The following PLA2G4D variants were observed in gnomAD, a reference collection of about 807,000 sequenced individuals.
PLA2G4D encodes the protein phospholipase A2 group IVD.
PLA2G4D carries 80 observed loss-of-function variants against 94.4 expected under a neutral mutation model. The ratio of observed to expected loss-of-function variants is 0.85; its 90% CI spans 0.71 to 1.02. The LOEUF is 1.02. Ranked by LOEUF, PLA2G4D falls within the 50% of genes least tolerant of loss-of-function variation. The probability of loss-of-function intolerance (pLI) is 0.00; values close to 1 mark genes in which losing one functional copy is unlikely to be tolerated. For synonymous variants in PLA2G4D, 438 were observed against 440.9 expected, an observed-to-expected ratio of 0.99 and a Z score of 0.08; for missense variants, 1,050 against 1,034.7, an observed-to-expected ratio of 1.01 and a Z score of -0.20.
intron 14 of PLA2G4D, 141 bp downstream of exon 14, chr15:42,072,134 C>G: frequency 1.0e-6 from 1 of 964,652 alleles, no homozygotes; most frequent in Non-Finnish European, 1.6e-6. Context: ...CAGAGAGATG[C>G]CCTGAGCCCC....
intron 14 of PLA2G4D, 91 bp downstream of exon 14, chr15:42,072,184 C>A (rs924027117): frequency 2.5e-6 from 3 of 1,223,358 alleles, no homozygotes; most frequent in South Asian, 1.3e-5. Context: ...GCAATCTGTG[C>A]GGAGCTTCCA....
At position 42,068,513 on chromosome 15, in the gene PLA2G4D, A is replaced by T; in HGVS notation, c.*202T>A. On this transcript the variant is annotated 3_prime_UTR_variant, in exon 20 of 20. Coordinates refer to ENST00000290472, the MANE Select transcript of PLA2G4D (RefSeq NM_178034.4). The stretch of plus-strand genomic sequence containing the variant: ...TTCTACACACTGGCCTGGCGAAGTT[A>T]TTTTCAACTCATCTCAAGCCAGCCA... 1 of 596,948 alleles carries T rather than the reference A, an allele frequency of 1.7e-6. No individual in the cohort carries two copies. Among genetic ancestry groups the T allele is most frequent in the Non-Finnish European group, 3.0e-6 (1 of 337,166 alleles). The allele number at this position is 596,948 out of a possible 1,614,324, so 37.0% of individuals were successfully genotyped here.
Position 42,085,139 on chromosome 15 carries a change from C to T in PLA2G4D, c.429-1G>A, listed in dbSNP as rs1400471454. 5 of 1,614,080 alleles carry T rather than the reference C, an allele frequency of 3.1e-6. No homozygotes were observed. The highest frequency in any genetic ancestry group is 4.2e-6 in the Non-Finnish European group (5 of 1,180,046). On this transcript the variant is annotated splice_acceptor_variant, in intron 5 of 19. Coordinates refer to ENST00000290472, the MANE Select transcript of PLA2G4D (RefSeq NM_178034.4). LOFTEE classifies it high-confidence loss of function. ...GATGAGGTTTTCTGGGCGATCTGAC[C>T]TGGAAAAATCAAACCATGCAAAGGC...
chr15:42,075,563 CA>C (rs1889904180), intron 13 of PLA2G4D, among the ~76,000 whole-genome samples: 1 of 152,102 alleles, frequency 6.6e-6, no homozygotes, highest in African/African-American at 2.4e-5. Flanking sequence ...ACATTTATTG[CA>C]AAACATGACT....
intron 13 of PLA2G4D, among the ~76,000 whole-genome samples, chr15:42,075,938 GGAA>G (rs1209997118): frequency 6.7e-6 from 1 of 149,278 alleles, no homozygotes; most frequent in Non-Finnish European, 1.5e-5. Flanking sequence ...GGAGGGGAGA[GGAA>G]GAAGGAAGGA....
rs1890088724 is a variant in PLA2G4D, at chr15:42,083,746, C to A, written c.505G>T (p.Asp169Tyr). The A allele has an allele frequency of 6.2e-7, 1 of 1,614,048 alleles. No individual in the cohort carries two copies. The highest frequency in any genetic ancestry group is 1.1e-5 in the South Asian group (1 of 91,084). Residue 169 changes from aspartate (D) to tyrosine (Y), a missense_variant, in exon 7 of 20, where the codon GAC (aspartate) becomes TAC (tyrosine). Physicochemically the swap from Asp to Tyr is radical, Grantham distance 160 (BLOSUM62 -3). Coordinates refer to ENST00000290472, the MANE Select transcript of PLA2G4D (RefSeq NM_178034.4). ...ACCACAGCGGTGCTCCCTGTGCTGT[C>A]CAGATGCACATCCAGGCATGACAGC... ...RELSCLDVHL[D>Y]STGSTAVVAD...
In PLA2G4D at chr15:42,081,520, T is replaced by A; in HGVS notation, c.916A>T (p.Lys306Ter). ...TCTCTGTCCAGCTGCAGGGCCTGCT[T>A]CAGGGCCTTGGCCACCACCTGCTTC... The part of the protein sequence containing the change: ...RRKQVVAKAL[K>*]QALQLDRDLQ... Residue 306 changes from lysine (K) to a stop codon, truncating the protein, a stop_gained, in exon 11 of 20, where the codon AAG (lysine) becomes TAG (stop). Coordinates refer to ENST00000290472, the MANE Select transcript of PLA2G4D (RefSeq NM_178034.4). LOFTEE classifies it high-confidence loss of function. 6.2e-7 allele frequency: 1 copy of A among 1,614,214 alleles called. No homozygotes were observed.
At chr15:42,087,021 G>A (rs910778277) in intron 3 of PLA2G4D, among the ~76,000 whole-genome samples, 4 of 152,152 alleles carry the variant, frequency 2.6e-5, no homozygotes, top group African/African-American at 9.7e-5. Flanking sequence ...ACCCCACAGT[G>A]ACCTGATCAG....
chr15:42,093,897 G>A lies in PLA2G4D; in HGVS notation c.45+518C>T, dbSNP rs116097962. On this transcript the variant is annotated intron_variant, in intron 1 of 19. Coordinates refer to ENST00000290472, the MANE Select transcript of PLA2G4D (RefSeq NM_178034.4). ...GAGGATGAAAACTCTGGGCTTTGGA[G>A]AAACACATGACAGAGGGTGGGGGGG... 6.3e-3 allele frequency among the ~76,000 whole-genome samples: 967 copies of A among 152,300 alleles called. 19 individuals carry two copies. Among genetic ancestry groups the A allele is most frequent in the African/African-American group, 0.022 (927 of 41,572 alleles).
chr15:42,068,510 G>T lies in PLA2G4D; in HGVS notation c.*205C>A. 1 of 595,440 alleles carries T rather than the reference G, an allele frequency of 1.7e-6. No homozygotes were observed. 36.9% of individuals were successfully genotyped at this position (595,440 alleles called of 1,614,324 possible). ...CTGTTCTACACACTGGCCTGGCGAAGTTATTTTCAACTCATCTCAAGCCAG... is the reference window on the plus strand; with the variant it reads ...CTGTTCTACACACTGGCCTGGCGAATTTATTTTCAACTCATCTCAAGCCAG... On this transcript the variant is annotated 3_prime_UTR_variant, in exon 20 of 20. Transcript: ENST00000290472.
In PLA2G4D at chr15:42,068,668, AG is replaced by A. The variant is rs769785133; in HGVS notation, c.*46del. On this transcript the variant is annotated 3_prime_UTR_variant, in exon 20 of 20. Coordinates refer to ENST00000290472, the MANE Select transcript of PLA2G4D (RefSeq NM_178034.4). ...CTGTGGCTGAGCCCAGCTACAGATC[AG>A]GTTATGCCCGCAGGCCCTGGAGGGT... is the stretch of plus-strand genomic sequence containing the variant. 1.0e-5 allele frequency: 16 copies of A among 1,526,722 alleles called. No homozygotes were observed. Among genetic ancestry groups the A allele is most frequent in the Non-Finnish European group, 1.2e-5 (13 of 1,125,404 alleles). The allele number at this position is 1,526,722 out of a possible 1,614,324, so 94.6% of individuals were successfully genotyped here.
At chr15:42,083,433 G>C in intron 7 of PLA2G4D, 99 bp from the exon 8 acceptor site, 1 of 1,496,636 alleles carries the variant, frequency 6.7e-7, no homozygotes. Context: ...GAGGATGCCT[G>C]GGAGGCTGGG....
chr15:42,086,194 T>TGGGGGGGGCCC lies in PLA2G4D; in HGVS notation c.387+18_387+19insGGGCCCCCCCC. On this transcript the variant is annotated intron_variant, in intron 4 of 19. Transcript: ENST00000290472. ...GGAAGAAGTGGGGCCCACGGGGACT[T>TGGGGGGGGCCC]CCCCACCCACCCACCCACCTGGGGA... 41 of 1,370,430 alleles carry TGGGGGGGGCCC rather than the reference T, an allele frequency of 3.0e-5. No individual in the cohort carries two copies. Among genetic ancestry groups the TGGGGGGGGCCC allele is most frequent in the Non-Finnish European group, 3.6e-5 (38 of 1,043,072 alleles). 84.9% of individuals were successfully genotyped at this position (1,370,430 alleles called of 1,614,324 possible). A position where few individuals can be genotyped will look rare whatever the true frequency, so the allele number is the denominator to read the frequency against.
rs766862758 is a variant in PLA2G4D at position 42,083,200 on chromosome 15, T to C, written c.670A>G (p.Arg224Gly). 22 of 1,613,154 alleles carry C rather than the reference T, an allele frequency of 1.4e-5. No homozygotes were observed. The African/African-American group carries it at 2.8e-4, about 21-fold the overall frequency. ...CGAGGTCTAGAGCCAAGACCCACCC[T>C]CAGGCGCCCGCTCAGCTCTGTCTCT... ...ALETELSGRL[R>G]SSRSNGWNGD... Residue 224 changes from arginine (R) to glycine (G), a missense_variant and splice_region_variant, in exon 8 of 20, where the codon AGG becomes GGG. Arg to Gly is a moderately radical substitution (Grantham distance 125, BLOSUM62 -2). Coordinates refer to ENST00000290472, the MANE Select transcript of PLA2G4D (RefSeq NM_178034.4).
chr15:42,084,965 A>C lies in PLA2G4D; in HGVS notation c.471+131T>G. 1 of 1,011,878 alleles carries C rather than the reference A, an allele frequency of 9.9e-7. No individual in the cohort carries two copies. The highest frequency in any genetic ancestry group is 1.5e-6 in the Non-Finnish European group (1 of 671,946). 62.7% of individuals were successfully genotyped at this position (1,011,878 alleles called of 1,614,324 possible). A position where few individuals can be genotyped will look rare whatever the true frequency, so the allele number is the denominator to read the frequency against. On this transcript the variant is annotated intron_variant, in intron 6 of 19. Transcript: ENST00000290472. This position sits in a 1 kb window ranked among gnomAD's most constrained non-coding sequence, Gnocchi z 4.8. The stretch of plus-strand genomic sequence containing the variant: ...AGCCACAGGTGACCACCTGGCTGGA[A>C]GGCTAGGGGTGGTTTTACCACGAAG...
At chr15:42,085,903 G>T (rs1029058185) in intron 4 of PLA2G4D, among the ~76,000 whole-genome samples, 5 of 152,240 alleles carry the variant, frequency 3.3e-5, no homozygotes, top group South Asian at 2.1e-4. Context: ...GCTGCAGCAG[G>T]AAGGGACGTG....
chr15:42,081,708 C>T, intron 10 of PLA2G4D, 89 bp downstream of exon 10: 2 of 1,612,204 alleles, frequency 1.2e-6, no homozygotes, highest in Non-Finnish European at 1.7e-6. Context: ...GAAGCCCTCT[C>T]CTCCAATCTC....
chr15:42,070,566 G>T, intron 18 of PLA2G4D, 151 bp downstream of exon 18: 2 of 1,005,532 alleles, frequency 2.0e-6, no homozygotes. Context: ...CCCACCTAAG[G>T]ACCCTGGCAG....
intron 4 of PLA2G4D, 136 bp from the exon 5 acceptor site, chr15:42,085,667 A>G (rs993013731): frequency 3.6e-6 from 3 of 843,546 alleles, no homozygotes; most frequent in South Asian, 3.0e-5. Context: ...TTTCCAATTT[A>G]TGGATGAGGA....
Sources: gnomAD v4.1 joint callset for allele counts (sites outside exome capture counted in the v4.1 genomes callset) on GRCh38, gnomAD v4.1.1 for gene constraint, Gnocchi (gnomAD v3.1) non-coding constraint, MANE v1.5 for transcripts, NCBI Gene and HGNC (gene_info 2026-07-23, HGNC 2026-07-21) for gene names.